Variants in DPP10 observed in about 807,000 individuals in gnomAD.
DPP10 encodes dipeptidyl peptidase like 10.
DPP10 carries 33 observed loss-of-function variants against 120.9 expected under a neutral mutation model. The observed-to-expected ratio is 0.27, with a 90% CI of 0.21 to 0.37. The LOEUF (loss-of-function observed/expected upper bound fraction) is 0.37, where lower values mean the gene tolerates loss of function less well. Among genes scored for constraint, DPP10 ranks in the 10% least tolerant of loss-of-function variants. The pLI, the probability that DPP10 is intolerant of heterozygous loss-of-function variation, is 1.00. For synonymous variants in DPP10, 337 were observed against 326.1 expected (o/e 1.03, Z -0.36); for missense variants, 816 against 942.8 (o/e 0.87, Z 1.76).
At chr2:115,618,316 T>C (rs1265592249) in intron 5 of DPP10, among the ~76,000 whole-genome samples, 1 of 152,182 alleles carries the variant, frequency 6.6e-6, no homozygotes, top group Non-Finnish European at 1.5e-5. Flanking sequence ...AATGTGTCAG[T>C]TGAGTGAACT....
intron 1 of DPP10, among the ~76,000 whole-genome samples, chr2:114,455,518 C>A (rs1374104405): frequency 6.7e-6 from 1 of 149,766 alleles, no homozygotes; most frequent in African/African-American, 2.5e-5. Context: ...GCACACCAGC[C>A]TGGGTGACAG....
chr2:115,604,164 C>A (rs2149227348), intron 5 of DPP10, among the ~76,000 whole-genome samples: 1 of 151,262 alleles, frequency 6.6e-6, no homozygotes, highest in East Asian at 1.9e-4. Flanking sequence ...CCCTTTCAAA[C>A]AAATGAATAT....
At chr2:115,763,758 G>T (rs1268901056) in intron 12 of DPP10, among the ~76,000 whole-genome samples, 1 of 151,976 alleles carries the variant, frequency 6.6e-6, no homozygotes, top group Non-Finnish European at 1.5e-5. Context: ...CCTCATACTT[G>T]CACTTCCACA....
At chr2:115,565,764 G>GGTTTT (rs2080966903) in intron 5 of DPP10, among the ~76,000 whole-genome samples, 3 of 139,658 alleles carry the variant, frequency 2.1e-5, no homozygotes, top group East Asian at 2.1e-4. Context: ...TTTTTTGTTT[G>GGTTTT]TTTTGTTTTT....
intron 1 of DPP10, among the ~76,000 whole-genome samples, chr2:115,107,407 T>G: frequency 7.2e-6 from 1 of 138,198 alleles, no homozygotes; most frequent in African/African-American, 2.6e-5. Flanking sequence ...AAAAAGTTTG[T>G]GGGATTGGTT....
At chr2:115,392,403 C>A (rs1284518187) in intron 3 of DPP10, among the ~76,000 whole-genome samples, 4 of 152,126 alleles carry the variant, frequency 2.6e-5, no homozygotes, top group African/African-American at 4.8e-5. Context: ...TCAGCCTTAA[C>A]ATAAATTGTT....
chr2:115,800,146 A>G (rs1230929976), intron 19 of DPP10, among the ~76,000 whole-genome samples: 2 of 151,580 alleles, frequency 1.3e-5, no homozygotes, highest in Non-Finnish European at 1.5e-5. Context: ...GTGAGATGGT[A>G]TCTCATTGTG....
At chr2:114,938,686 G>A (rs1189667031) in intron 1 of DPP10, among the ~76,000 whole-genome samples, 1 of 145,034 alleles carries the variant, frequency 6.9e-6, no homozygotes, top group Non-Finnish European at 1.5e-5. Context: ...TTAGGCATTT[G>A]TCTAATTCTT....
intron 3 of DPP10, among the ~76,000 whole-genome samples, chr2:115,416,182 G>A (rs1327199352): frequency 6.6e-6 from 1 of 151,988 alleles, no homozygotes; most frequent in Non-Finnish European, 1.5e-5. Context: ...CACCCCAATG[G>A]CTGTCAAGCA....
intron 1 of DPP10, among the ~76,000 whole-genome samples, chr2:115,272,775 A>G (rs2059752125): frequency 6.6e-6 from 1 of 152,242 alleles, no homozygotes; most frequent in Admixed American, 6.5e-5. Context: ...GCACTGGCTC[A>G]CATTGGTGCT....
chr2:115,557,159 C>A (rs2080265401), intron 5 of DPP10, among the ~76,000 whole-genome samples: 1 of 152,190 alleles, frequency 6.6e-6, no homozygotes, highest in African/African-American at 2.4e-5. Context: ...GGGTGTCTCT[C>A]TCTCCCTCTC....
intron 5 of DPP10, among the ~76,000 whole-genome samples, chr2:115,684,876 C>T (rs541329849): frequency 4.3e-4 from 66 of 151,852 alleles, no homozygotes; most frequent in Non-Finnish European, 9.0e-4. Flanking sequence ...CTCTGGTAAT[C>T]AATTAATTCA....
At chr2:115,134,181 A>G (rs2050528316) in intron 1 of DPP10, among the ~76,000 whole-genome samples, 1 of 147,364 alleles carries the variant, frequency 6.8e-6, no homozygotes, top group South Asian at 2.1e-4. Flanking sequence ...TAATTCTTTC[A>G]TATATACATT....
chr2:115,782,704 G>C (rs1345525478), intron 17 of DPP10, among the ~76,000 whole-genome samples: 1 of 151,924 alleles, frequency 6.6e-6, no homozygotes, highest in Non-Finnish European at 1.5e-5. Context: ...TTAATGTTCT[G>C]GTTCATTCTT....
intron 1 of DPP10, chr2:115,064,760 G>T: frequency 7.7e-7 from 1 of 1,303,988 alleles, no homozygotes; most frequent in Non-Finnish European, 1.0e-6. Context: ...ACTTAGCAAT[G>T]GTCATCACAG....
At chr2:115,245,209 G>A (rs12619606) in intron 1 of DPP10, among the ~76,000 whole-genome samples, 5,997 of 152,040 alleles carry the variant, frequency 0.039, 223 homozygotes, top group East Asian at 0.19. Context: ...ATTCTATGGT[G>A]TATATATTCC....
chr2:114,518,872 G>C (rs1467017453), intron 1 of DPP10, among the ~76,000 whole-genome samples: 1 of 152,208 alleles, frequency 6.6e-6, no homozygotes, highest in Admixed American at 6.5e-5. Flanking sequence ...TTCAAACTGT[G>C]TTTCATGGAG....
intron 7 of DPP10, among the ~76,000 whole-genome samples, chr2:115,700,340 A>C (rs2091829900): frequency 6.6e-6 from 1 of 152,130 alleles, no homozygotes; most frequent in Non-Finnish European, 1.5e-5. Context: ...ACACATAATC[A>C]TCTCAACTCA....
chr2:115,702,658 A>G (rs527480888), intron 7 of DPP10, among the ~76,000 whole-genome samples: 1 of 152,140 alleles, frequency 6.6e-6, no homozygotes, highest in African/African-American at 2.4e-5. Context: ...GGAAGTTTGC[A>G]GGACAGAAAG....
Sources: gnomAD v4.1 joint callset for allele counts (sites outside exome capture counted in the v4.1 genomes callset) on GRCh38, gnomAD v4.1.1 for gene constraint, MANE v1.5 for transcripts, NCBI Gene and HGNC (gene_info 2026-07-23, HGNC 2026-07-21) for gene names.